Variants in COL28A1 observed in about 807,000 individuals in gnomAD.
COL28A1 encodes the protein collagen alpha-1(XXVIII) chain.
A neutral mutation model predicts 150.2 loss-of-function variants in COL28A1; 161 were observed. The ratio of observed to expected loss-of-function variants is 1.07; its 90% confidence interval spans 0.94 to 1.22. COL28A1 has a LOEUF of 1.22. Among genes scored for constraint, COL28A1 ranks in the 50% most tolerant of loss-of-function variants. The pLI, the probability that COL28A1 is intolerant of heterozygous loss-of-function variation, is 0.00. For synonymous variants in COL28A1, 552 were observed against 469.7 expected, an observed-to-expected ratio of 1.18 and a Z score of -2.26; for missense variants, 1,617 against 1,388.3, an observed-to-expected ratio of 1.16 and a Z score of -2.62.
At chr7:7,490,504 T>A in intron 12 of COL28A1, 74 bp downstream of exon 12, 1 of 736,218 alleles carries the variant, frequency 1.4e-6, no homozygotes, top group Non-Finnish European at 2.3e-6. Context: ...CCAAATGGAG[T>A]TCAAATCATG....
At chr7:7,505,799 C>G (rs1489451565) in intron 11 of COL28A1, among the ~76,000 whole-genome samples, 2 of 152,058 alleles carry the variant, frequency 1.3e-5, no homozygotes, top group Non-Finnish European at 2.9e-5. Context: ...TAACAATATC[C>G]CTCTTTGAAT....
In COL28A1 at chr7:7,365,653, C is replaced by T. The variant is rs996109743; in HGVS notation, c.3066+5072G>A. On this transcript the variant is annotated intron_variant, in intron 33 of 34. Transcript: ENST00000399429. ...ATTACCCAGAATTTTGCATATATTA[C>T]AAAGTCTTCAAATCTGAACACATGT... is the stretch of plus-strand genomic sequence containing the variant. Among the ~76,000 whole-genome samples, 40 of 152,182 alleles carry T rather than the reference C, an allele frequency of 2.6e-4. 1 individual carries two copies. The highest frequency in any genetic ancestry group is 5.9e-5 in the Non-Finnish European group (4 of 68,028).
intron 13 of COL28A1, among the ~76,000 whole-genome samples, chr7:7,483,844 A>T (rs546077481): frequency 6.6e-6 from 1 of 152,288 alleles, no homozygotes; most frequent in Non-Finnish European, 1.5e-5. Flanking sequence ...TAATAAATAT[A>T]GTTAATAAAA....
chr7:7,400,977 T>TGTGTGTGTGTGTGG (rs1783151808), intron 27 of COL28A1, among the ~76,000 whole-genome samples: 2 of 48,436 alleles, frequency 4.1e-5, no homozygotes, highest in African/African-American at 1.9e-4. Context: ...GGTATTTGGG[T>TGTGTGTGTGTGTGG]GTGTGTGTGT....
intron 8 of COL28A1, among the ~76,000 whole-genome samples, chr7:7,512,211 T>C (rs1352851149): frequency 6.6e-6 from 1 of 152,118 alleles, no homozygotes; most frequent in Non-Finnish European, 1.5e-5. Context: ...CCAGGGGTAA[T>C]TGGTGGAAAC....
At chr7:7,477,723 C>A (rs1324897265) in intron 13 of COL28A1, among the ~76,000 whole-genome samples, 2 of 152,170 alleles carry the variant, frequency 1.3e-5, no homozygotes, top group African/African-American at 4.8e-5. Context: ...CAGTTAACAG[C>A]AGTAAGATAT....
chr7:7,504,248 A>C (rs1780686892), intron 11 of COL28A1, among the ~76,000 whole-genome samples: 1 of 152,006 alleles, frequency 6.6e-6, no homozygotes, highest in Non-Finnish European at 1.5e-5. Context: ...TGTAGTCTCA[A>C]CTCTTTGGGA....
At chr7:7,527,086 A>G (rs1782065371) in intron 3 of COL28A1, among the ~76,000 whole-genome samples, 1 of 152,242 alleles carries the variant, frequency 6.6e-6, no homozygotes, top group Non-Finnish European at 1.5e-5. Flanking sequence ...CATAAGGCTT[A>G]AAACCATAGC....
intron 33 of COL28A1, among the ~76,000 whole-genome samples, chr7:7,366,831 A>G (rs1169029820): frequency 6.6e-6 from 1 of 152,204 alleles, no homozygotes; most frequent in Non-Finnish European, 1.5e-5. Context: ...CTCAGGAAGG[A>G]TCTGAGAATA....
intron 25 of COL28A1, 84 bp downstream of exon 25, chr7:7,432,389 G>A (rs1281320457): frequency 3.8e-6 from 4 of 1,057,224 alleles, no homozygotes; most frequent in South Asian, 2.7e-5. Context: ...TCTTCTAGCT[G>A]ATAAAAAATT....
intron 23 of COL28A1, 144 bp from the exon 24 acceptor site, chr7:7,432,844 C>G: frequency 3.2e-6 from 2 of 623,832 alleles, no homozygotes; most frequent in Non-Finnish European, 5.7e-6. Flanking sequence ...TACTTTAATT[C>G]TTAAAATTAT....
chr7:7,527,440 G>A (rs528353395), intron 3 of COL28A1, among the ~76,000 whole-genome samples: 35 of 152,328 alleles, frequency 2.3e-4, no homozygotes, highest in African/African-American at 8.4e-4. Flanking sequence ...GAGGAAAAAA[G>A]TCATAAGGAC....
intron 9 of COL28A1, among the ~76,000 whole-genome samples, chr7:7,509,461 C>A (rs1290978669): frequency 3.9e-5 from 6 of 152,168 alleles, no homozygotes; most frequent in Non-Finnish European, 8.8e-5. Context: ...TTAATTTCCA[C>A]TTCTCTATCT....
intron 11 of COL28A1, among the ~76,000 whole-genome samples, chr7:7,503,439 TAG>T (rs1232184611): frequency 6.6e-6 from 1 of 152,222 alleles, no homozygotes; most frequent in Non-Finnish European, 1.5e-5. Context: ...TTGTGCCCAT[TAG>T]AGAATACAGA....
intron 18 of COL28A1, among the ~76,000 whole-genome samples, chr7:7,448,640 A>T (rs1425183716): frequency 1.3e-5 from 2 of 151,334 alleles, no homozygotes; most frequent in African/African-American, 2.4e-5. Context: ...GATAAAATTT[A>T]TAAAAATTTA....
chr7:7,535,482 A>G (rs1007438131), intron 1 of COL28A1, among the ~76,000 whole-genome samples: 1 of 152,168 alleles, frequency 6.6e-6, no homozygotes, highest in Non-Finnish European at 1.5e-5. Flanking sequence ...TAAGAAAAAG[A>G]TGTCCTAAAA....
At chr7:7,531,268 A>C (rs1169661051) in intron 3 of COL28A1, 80 bp downstream of exon 3, 2 of 603,740 alleles carry the variant, frequency 3.3e-6, no homozygotes, top group African/African-American at 3.8e-5. Context: ...TTTTTGACCC[A>C]GTATCTCTTC....
chr7:7,374,024 T>TAAAAA (rs1188442971), intron 31 of COL28A1, among the ~76,000 whole-genome samples: 20 of 116,370 alleles, frequency 1.7e-4, no homozygotes, highest in African/African-American at 8.2e-4. Flanking sequence ...ACTTGACTCT[T>TAAAAA]AAAAAAAAAA....
At chr7:7,383,743 A>G (rs1481145174) in intron 27 of COL28A1, among the ~76,000 whole-genome samples, 2 of 142,372 alleles carry the variant, frequency 1.4e-5, no homozygotes, top group African/African-American at 2.5e-5. Flanking sequence ...TCTCTGCTAT[A>G]AAGTATTTCA....
Sources: allele counts gnomAD v4.1 joint callset (sites outside exome capture counted in the v4.1 genomes callset), GRCh38; gene constraint gnomAD v4.1.1; transcripts MANE v1.5; gene names NCBI Gene and HGNC (gene_info 2026-07-23, HGNC 2026-07-21).